FBN1: variants seen among roughly 807,000 people sequenced by gnomAD.
The protein encoded by FBN1 is fibrillin-1.
FBN1 carries 29 observed loss-of-function variants against 365.1 expected under a neutral mutation model. The ratio of observed to expected loss-of-function variants is 0.08; its 90% CI spans 0.06 to 0.11. FBN1 has a LOEUF of 0.11. Among genes scored for constraint, FBN1 ranks in the 10% least tolerant of loss-of-function variants. The pLI is 1.00. For missense variants in FBN1, 2,476 were observed against 3,703.2 expected (o/e 0.67, Z 8.60); for synonymous variants, 1,210 against 1,270.5 (o/e 0.95, Z 1.01).
chr15:48,477,079 T>C (rs1316398518), intron 32 of FBN1, among the ~76,000 whole-genome samples: 1 of 152,180 alleles, frequency 6.6e-6, no homozygotes, highest in African/African-American at 2.4e-5. Flanking sequence ...CCTATTAATC[T>C]AGTAATTCTG....
chr15:48,496,240 A>G lies in FBN1; in HGVS notation c.2294-15T>C. 1 of 1,613,580 alleles carries G rather than the reference A, an allele frequency of 6.2e-7. No homozygotes were observed. The highest frequency in any genetic ancestry group is 8.5e-7 in the Non-Finnish European group (1 of 1,179,648). ...TTCATTAATATCTGCAAAGTCAATG[A>G]AAATAAACACTTAAAAAGGGCCCAA... is the stretch of plus-strand genomic sequence containing the variant. On this transcript the variant is annotated splice_polypyrimidine_tract_variant and intron_variant, in intron 19 of 65. Coordinates refer to ENST00000316623, the MANE Select transcript of FBN1 (RefSeq NM_000138.5).
At chr15:48,419,233 C>T (rs2042922510) in intron 63 of FBN1, among the ~76,000 whole-genome samples, 1 of 152,100 alleles carries the variant, frequency 6.6e-6, no homozygotes, top group Non-Finnish European at 1.5e-5. Context: ...AGTGTCCAGC[C>T]AGGAGATGAT....
intron 7 of FBN1, among the ~76,000 whole-genome samples, chr15:48,536,024 C>G (rs73394230): frequency 0.023 from 3,517 of 152,174 alleles, 119 homozygotes; most frequent in African/African-American, 0.076. Context: ...CCTTTATGAA[C>G]CCATTTGCCC....
chr15:48,510,543 T>G (rs2043750625), intron 13 of FBN1, among the ~76,000 whole-genome samples: 1 of 152,216 alleles, frequency 6.6e-6, no homozygotes, highest in African/African-American at 2.4e-5. Flanking sequence ...AAAAGACATA[T>G]TTTATAGCTA....
chr15:48,481,001 A>G (rs538525928), intron 32 of FBN1, among the ~76,000 whole-genome samples: 6 of 152,332 alleles, frequency 3.9e-5, no homozygotes, highest in African/African-American at 1.4e-4. Context: ...TCATTAGCAC[A>G]GAGTAACTTC....
chr15:48,438,737 T>C (rs556194196), intron 50 of FBN1, among the ~76,000 whole-genome samples: 2 of 152,342 alleles, frequency 1.3e-5, no homozygotes, highest in East Asian at 1.9e-4. Context: ...ACAAAGAAGA[T>C]GGGATCTACT....
At chr15:48,623,968 A>C (rs28421383) in intron 2 of FBN1, among the ~76,000 whole-genome samples, 210 of 146,498 alleles carry the variant, frequency 1.4e-3, no homozygotes, top group Non-Finnish European at 2.4e-3. Context: ...CAAAGACACA[A>C]ACACACACAC....
At chr15:48,631,315 G>C (rs2140765725) in intron 2 of FBN1, among the ~76,000 whole-genome samples, 1 of 152,352 alleles carries the variant, frequency 6.6e-6, no homozygotes, top group African/African-American at 2.4e-5. Context: ...CGCTCAACTA[G>C]AAAGTGGCTC....
chr15:48,507,179 TATC>T (rs2043716598), intron 15 of FBN1, among the ~76,000 whole-genome samples: 1 of 152,188 alleles, frequency 6.6e-6, no homozygotes, highest in African/African-American at 2.4e-5. Flanking sequence ...GTGCTCTGTG[TATC>T]ATCAAGAAGA....
rs59806691 is a variant in FBN1, at chr15:48,523,716, G to A, written c.988+2414C>T. Among the ~76,000 whole-genome samples the A allele has an allele frequency of 5.1e-4, 73 of 144,398 alleles. 1 individual carries two copies. The East Asian group carries it at 0.01, about 20-fold the overall frequency. 94.7% of individuals were successfully genotyped at this position (144,398 alleles called of 152,430 possible). On this transcript the variant is annotated intron_variant, in intron 9 of 65. Coordinates refer to ENST00000316623, the MANE Select transcript of FBN1 (RefSeq NM_000138.5). The stretch of plus-strand genomic sequence containing the variant: ...GTGCCACACCAAGGGTGGCTGGGGG[G>A]GGGGGGGAACCGTTGTGGTGGTATG...
chr15:48,412,833 A>G, intron 64 of FBN1, 90 bp from the exon 65 acceptor site: 1 of 1,479,604 alleles, frequency 6.8e-7, no homozygotes, highest in Non-Finnish European at 9.4e-7. Flanking sequence ...TGTTCCTTGC[A>G]GTTGTGAGAT....
At chr15:48,508,487 TG>T in intron 15 of FBN1, 94 bp downstream of exon 15, 1 of 1,547,152 alleles carries the variant, frequency 6.5e-7, no homozygotes, top group Non-Finnish European at 8.9e-7. Context: ...GTACTTTAAG[TG>T]GGGAGAATCA....
At chr15:48,425,947 C>T in intron 58 of FBN1, 83 bp from the exon 59 acceptor site, 1 of 1,094,976 alleles carries the variant, frequency 9.1e-7, no homozygotes, top group Non-Finnish European at 1.4e-6. Flanking sequence ...AGTGTAAATA[C>T]TAATAAATTG....
Position 48,644,884 on chromosome 15 carries a change from C to T in FBN1, c.-115G>A, listed in dbSNP as rs887014145. ...GCCGGGGTCCCGCTATCCCGCCGCC[C>T]GTCCCCCGGGCCGGGCTCCTCCCGC... On this transcript the variant is annotated 5_prime_UTR_variant, in exon 2 of 66. Transcript: ENST00000316623. 23 of 1,083,982 alleles carry T rather than the reference C, an allele frequency of 2.1e-5. No individual in the cohort carries two copies. Among genetic ancestry groups the T allele is most frequent in the African/African-American group, 3.3e-5 (2 of 59,782 alleles). The allele number at this position is 1,083,982 out of a possible 1,614,324, so 67.1% of individuals were successfully genotyped here.
chr15:48,558,175 T>C (rs561135997), intron 6 of FBN1, among the ~76,000 whole-genome samples: 1 of 152,334 alleles, frequency 6.6e-6, no homozygotes, highest in Admixed American at 6.5e-5. Flanking sequence ...ACACATTTCA[T>C]GTATTTCTCT....
chr15:48,427,647 C>T lies in FBN1; in HGVS notation c.7124G>A (p.Cys2375Tyr). ...CDGGRGWGPH[C>Y]EICPFQGTVA... ...AGTCCCCTGGAAAGGGCAGATCTCA[C>T]AGTGGGGACCCCAGCCTCTCCCTCC... is the stretch of plus-strand genomic sequence containing the variant. Residue 2375 changes from cysteine to tyrosine, a missense_variant, in exon 58 of 66, where the codon TGT becomes TAT. By Grantham distance (194) the Cys-to-Tyr change is radical (BLOSUM62 -2). Coordinates refer to ENST00000316623, the MANE Select transcript of FBN1 (RefSeq NM_000138.5). The T allele has an allele frequency of 6.2e-7, 1 of 1,614,156 alleles. No individual in the cohort carries two copies. The highest frequency in any genetic ancestry group is 8.5e-7 in the Non-Finnish European group (1 of 1,180,012).
intron 6 of FBN1, among the ~76,000 whole-genome samples, chr15:48,589,739 G>A (rs141970965): frequency 0.011 from 1,682 of 147,524 alleles, 35 homozygotes; most frequent in African/African-American, 0.041. Context: ...TCAGCCTCCC[G>A]AGTAACTGGG....
chr15:48,452,128 T>C (rs2043205690), intron 45 of FBN1, among the ~76,000 whole-genome samples: 1 of 152,220 alleles, frequency 6.6e-6, no homozygotes, highest in Non-Finnish European at 1.5e-5. Flanking sequence ...AGCTTCACTG[T>C]CTAGATTTGG....
At chr15:48,453,372 T>C (rs1176179007) in intron 44 of FBN1, among the ~76,000 whole-genome samples, 1 of 149,102 alleles carries the variant, frequency 6.7e-6, no homozygotes, top group Non-Finnish European at 1.5e-5. Flanking sequence ...AAATGTATAT[T>C]ACTAAGCGAA....
Sources: gnomAD v4.1 joint callset for allele counts (sites outside exome capture counted in the v4.1 genomes callset) on GRCh38, gnomAD v4.1.1 for gene constraint, MANE v1.5 for transcripts, NCBI Gene and HGNC (gene_info 2026-07-23, HGNC 2026-07-21) for gene names.